Variants in DMD observed in about 807,000 individuals in gnomAD.
DMD encodes dystrophin.
Under a neutral mutation model 330.1 loss-of-function variants are expected in DMD, and 63 were observed. The ratio of observed to expected loss-of-function variants is 0.19; its 90% CI spans 0.16 to 0.24. DMD has a LOEUF of 0.24. DMD is among the 10% of genes least tolerant of loss of function. DMD has a pLI of 1.00. For synonymous variants in DMD, 1,223 were observed against 959.8 expected (o/e 1.27, Z -5.07); for missense variants, 3,344 against 2,684.1 (o/e 1.25, Z -5.43).
chrX:32,171,168 G>A (rs2096886322), intron 44 of DMD, among the ~76,000 whole-genome samples: 1 of 111,266 alleles, frequency 9.0e-6, no homozygotes, highest in Non-Finnish European at 1.9e-5. Context: ...ATTTTGTCCA[G>A]CTAATATTTA....
At chrX:31,388,297 C>T (rs772343518) in intron 60 of DMD, among the ~76,000 whole-genome samples, 2 of 110,951 alleles carry the variant, frequency 1.8e-5, no homozygotes, top group African/African-American at 6.5e-5. Context: ...GCCACCACGC[C>T]CGGCCTATCA....
intron 43 of DMD, among the ~76,000 whole-genome samples, chrX:32,250,283 A>G (rs2097258358): frequency 9.0e-6 from 1 of 111,368 alleles, no homozygotes; most frequent in Admixed American, 9.6e-5. Flanking sequence ...TCTTCTGCTT[A>G]CAATCTATTC....
intron 7 of DMD, among the ~76,000 whole-genome samples, chrX:32,785,350 AT>A (rs1350262407): frequency 9.0e-6 from 1 of 111,223 alleles, no homozygotes; most frequent in Non-Finnish European, 1.9e-5. Flanking sequence ...AATTTTAAAC[AT>A]TTTCATTCCA....
chrX:32,432,215 T>C (rs2098241234), intron 29 of DMD, among the ~76,000 whole-genome samples: 2 of 111,701 alleles, frequency 1.8e-5, no homozygotes, highest in South Asian at 7.5e-4. Flanking sequence ...GCCCATTATC[T>C]TACTGATAGA....
chrX:31,120,312 A>T lies in DMD; in HGVS notation c.*1607T>A, dbSNP rs747472098. On this transcript the variant is annotated 3_prime_UTR_variant, in exon 79 of 79. Coordinates refer to ENST00000357033, the MANE Select transcript of DMD (RefSeq NM_004006.3). ...TATATTTAACCTGTCTAATCCACCAAGAAGGGTTTTTTTGTAACATTTGAA... is the reference window on the plus strand; with the variant it reads ...TATATTTAACCTGTCTAATCCACCATGAAGGGTTTTTTTGTAACATTTGAA... The T allele has an allele frequency of 8.1e-5, 9 of 111,193 alleles. No homozygotes were observed. In the South Asian group the frequency reaches 3.5e-3, roughly 43 times the overall value. The allele number at this position is 111,193 out of a possible 1,213,427, so 9.2% of individuals were successfully genotyped here.
At chrX:32,693,053 A>C (rs1366191389) in intron 9 of DMD, among the ~76,000 whole-genome samples, 1 of 112,039 alleles carries the variant, frequency 8.9e-6, no homozygotes, top group African/African-American at 3.2e-5. Flanking sequence ...AAGGCTCTTA[A>C]AAGTAGATGT....
chrX:32,853,097 T>A (rs994988310), intron 2 of DMD, among the ~76,000 whole-genome samples: 1 of 112,481 alleles, frequency 8.9e-6, no homozygotes, highest in Non-Finnish European at 1.9e-5. Flanking sequence ...AGACCCTTTA[T>A]GCTAGGATAG....
intron 44 of DMD, among the ~76,000 whole-genome samples, chrX:31,971,323 T>A (rs2095397413): frequency 8.9e-6 from 1 of 112,243 alleles, no homozygotes; most frequent in Non-Finnish European, 1.9e-5. Context: ...GCTTCATGGC[T>A]GATGGCTACG....
rs183147392 is a variant in DMD at position 31,383,875 on chromosome X, T to G, written c.9085-35241A>C. 2.0e-4 allele frequency among the ~76,000 whole-genome samples: 22 copies of G among 111,478 alleles called. No individual in the cohort carries two copies. The East Asian group carries it at 3.4e-3, about 17-fold the overall frequency. ...GCTCCTTTTCCTGCTGAGAGCCACT[T>G]TCATCAGCAATAAAATCCCCCGCAT... On this transcript the variant is annotated intron_variant, in intron 60 of 78. Coordinates refer to ENST00000357033, the MANE Select transcript of DMD (RefSeq NM_004006.3).
chrX:31,787,959 T>C (rs1178077533), intron 50 of DMD, among the ~76,000 whole-genome samples: 1 of 112,313 alleles, frequency 8.9e-6, no homozygotes, highest in Non-Finnish European at 1.9e-5. Context: ...ATTTGGTGTT[T>C]GTTTCTTTAA....
At chrX:33,152,704 T>G (rs1465532132) in intron 1 of DMD, among the ~76,000 whole-genome samples, 2 of 111,631 alleles carry the variant, frequency 1.8e-5, no homozygotes, top group South Asian at 3.8e-4. Context: ...GACCCATTGC[T>G]GTAACACAGA....
At chrX:32,130,390 A>T (rs1039760914) in intron 44 of DMD, among the ~76,000 whole-genome samples, 2 of 110,947 alleles carry the variant, frequency 1.8e-5, no homozygotes, top group African/African-American at 6.6e-5. Flanking sequence ...ACTGAGTTTT[A>T]TATATATATA....
intron 55 of DMD, among the ~76,000 whole-genome samples, chrX:31,549,220 C>T (rs998264852): frequency 5.5e-5 from 6 of 110,020 alleles, no homozygotes; most frequent in African/African-American, 2.0e-4. Context: ...ATATTTCAGT[C>T]ATTTACATTT....
chrX:31,180,048 A>G (rs1191806645), intron 69 of DMD, among the ~76,000 whole-genome samples: 3 of 111,935 alleles, frequency 2.7e-5, no homozygotes, highest in African/African-American at 9.7e-5. Flanking sequence ...CCTCATGGCC[A>G]TAAGATCGCC....
intron 63 of DMD, among the ~76,000 whole-genome samples, chrX:31,228,072 A>C (rs2046806534): frequency 1.0e-5 from 1 of 96,921 alleles, no homozygotes; most frequent in African/African-American, 3.8e-5. Flanking sequence ...TCACATGGAC[A>C]CAGGAAGGGG....
chrX:32,442,776 C>G (rs754461134), intron 27 of DMD, among the ~76,000 whole-genome samples: 1 of 110,221 alleles, frequency 9.1e-6, no homozygotes, highest in Non-Finnish European at 1.9e-5. Context: ...AAAAATATAC[C>G]GTCATCTTTA....
intron 2 of DMD, among the ~76,000 whole-genome samples, chrX:32,978,060 T>C (rs1179571044): frequency 9.3e-6 from 1 of 107,530 alleles, no homozygotes; most frequent in Non-Finnish European, 1.9e-5. Flanking sequence ...TGACCTTTAC[T>C]GGGTAAAACC....
chrX:31,814,306 C>T (rs1170077131), intron 50 of DMD, among the ~76,000 whole-genome samples: 1 of 106,399 alleles, frequency 9.4e-6, no homozygotes, highest in Non-Finnish European at 1.9e-5. Context: ...ACAGTGAAAC[C>T]CCGTCTCTAC....
chrX:32,101,536 T>C (rs1242261259), intron 44 of DMD, among the ~76,000 whole-genome samples: 2 of 112,128 alleles, frequency 1.8e-5, no homozygotes, highest in African/African-American at 6.5e-5. Context: ...ACATAAACTA[T>C]GAATCCAGTT....
Sources: gnomAD v4.1 joint callset for allele counts (sites outside exome capture counted in the v4.1 genomes callset) on GRCh38, gnomAD v4.1.1 for gene constraint, MANE v1.5 for transcripts, NCBI Gene and HGNC (gene_info 2026-07-23, HGNC 2026-07-21) for gene names.